The following SYNPR variants were observed in gnomAD, a reference collection of about 807,000 sequenced individuals.
SYNPR encodes the protein synaptoporin.
Under a neutral mutation model 32.9 loss-of-function variants are expected in SYNPR, and 23 were observed. The ratio of observed to expected loss-of-function variants is 0.70; its 90% CI spans 0.50 to 0.99. SYNPR has a LOEUF of 0.99. SYNPR is among the 50% of genes least tolerant of loss of function. The pLI is 0.00. For synonymous variants in SYNPR, 146 were observed against 135.9 expected, an observed-to-expected ratio of 1.07 and a Z score of -0.52; for missense variants, 318 against 349.3, an observed-to-expected ratio of 0.91 and a Z score of 0.71.
chr3:63,597,806 T>C (rs769332996), intron 4 of SYNPR, among the ~76,000 whole-genome samples: 2 of 152,220 alleles, frequency 1.3e-5, no homozygotes, highest in Non-Finnish European at 2.9e-5. Flanking sequence ...GTCATTATTA[T>C]TAACACTTCA....
At chr3:63,280,883 G>A (rs2086625069) in intron 2 of SYNPR, among the ~76,000 whole-genome samples, 2 of 152,154 alleles carry the variant, frequency 1.3e-5, no homozygotes, top group African/African-American at 4.8e-5. Context: ...CTTTTTGCTT[G>A]TACCTCAGTA....
At chr3:63,473,663 T>C (rs1316574841) in intron 2 of SYNPR, among the ~76,000 whole-genome samples, 1 of 152,140 alleles carries the variant, frequency 6.6e-6, no homozygotes, top group Admixed American at 6.5e-5. Context: ...CTAGTTAGTG[T>C]AGTCAAAGAT....
At chr3:63,575,061 C>G (rs1702953486) in intron 4 of SYNPR, among the ~76,000 whole-genome samples, 1 of 151,906 alleles carries the variant, frequency 6.6e-6, no homozygotes. Flanking sequence ...GTCAAACCTA[C>G]CTATATAGCC....
At chr3:63,480,310 C>T (rs1701021051) in intron 2 of SYNPR, among the ~76,000 whole-genome samples, 1 of 152,170 alleles carries the variant, frequency 6.6e-6, no homozygotes, top group African/African-American at 2.4e-5. Flanking sequence ...AAAATAGCAC[C>T]TCTTAGAAAC....
At chr3:63,373,759 C>T (rs533097387) in intron 2 of SYNPR, among the ~76,000 whole-genome samples, 9 of 151,902 alleles carry the variant, frequency 5.9e-5, no homozygotes, top group South Asian at 4.2e-4. Context: ...GAAGACCATC[C>T]CCAAGACACA....
rs141401895 is a variant in SYNPR at position 63,396,977 on chromosome 3, A to G, written c.85-83855A>G. Among the ~76,000 whole-genome samples the G allele has an allele frequency of 7.4e-3, 1,132 of 152,086 alleles. 10 individuals carry two copies. Among genetic ancestry groups the G allele is most frequent in the African/African-American group, 0.026 (1,064 of 41,498 alleles). The stretch of plus-strand genomic sequence containing the variant: ...ATATTAGCCAGGCGTGGTGGCAGGC[A>G]CCTGTAGTCTCAGCCACTCAGGAGG... On this transcript the variant is annotated intron_variant, in intron 2 of 5. Coordinates refer to ENST00000478300, the MANE Select transcript of SYNPR (RefSeq NM_001130003.2).
In SYNPR at chr3:63,278,315, G is replaced by A. The variant is rs1207123825; in HGVS notation, c.-219G>A. The A allele has an allele frequency of 8.5e-6, 5 of 585,010 alleles. No individual in the cohort carries two copies. The highest frequency in any genetic ancestry group is 4.5e-4 in the Middle Eastern group (1 of 2,204). 36.2% of individuals were successfully genotyped at this position (585,010 alleles called of 1,614,324 possible). A position where few individuals can be genotyped will look rare whatever the true frequency, so the allele number is the denominator to read the frequency against. ...CCCAGCTCTTCCCTGCCCACCCCTC[G>A]CTGACTCGCTTCGCTTCCCCGACGC... On this transcript the variant is annotated 5_prime_UTR_variant, in exon 1 of 6. Coordinates refer to ENST00000478300, the MANE Select transcript of SYNPR (RefSeq NM_001130003.2).
chr3:63,206,396 T>C, the SYNPR span, among the ~76,000 whole-genome samples: 1 of 151,918 alleles, frequency 6.6e-6, no homozygotes, highest in Non-Finnish European at 1.5e-5. Context: ...GCAGGTCACT[T>C]GTGGTGAGGA....
At chr3:63,394,764 C>T (rs185580943) in intron 2 of SYNPR, among the ~76,000 whole-genome samples, 34 of 152,196 alleles carry the variant, frequency 2.2e-4, no homozygotes, top group Admixed American at 1.8e-3. Context: ...AGAATTTTAG[C>T]TCTGAGGGAA....
At chr3:63,256,073 A>G (rs1466023929) in intron 2 of SYNPR, among the ~76,000 whole-genome samples, 1 of 152,208 alleles carries the variant, frequency 6.6e-6, no homozygotes, top group Non-Finnish European at 1.5e-5. Context: ...GCAGCCAGGA[A>G]GCTCCAACTG....
At chr3:63,575,790 T>G (rs1271118500) in intron 4 of SYNPR, among the ~76,000 whole-genome samples, 1 of 152,052 alleles carries the variant, frequency 6.6e-6, no homozygotes, top group East Asian at 1.9e-4. Context: ...TGCGAAAGGG[T>G]GAAGTGAATA....
At chr3:63,352,488 C>T (rs114885521) in intron 2 of SYNPR, among the ~76,000 whole-genome samples, 2 of 152,210 alleles carry the variant, frequency 1.3e-5, no homozygotes, top group Non-Finnish European at 2.9e-5. Flanking sequence ...TCTATGTCTA[C>T]AAGCAACAGA....
At position 63,429,819 on chromosome 3, in the gene SYNPR, G is replaced by T. The variant is rs559711556; in HGVS notation, c.85-51013G>T. ...TTCTTTCTGCTCCTTCATTGTTTTT[G>T]TGCTCTCTCTTGTTCCCATGGGGCT... On this transcript the variant is annotated intron_variant, in intron 2 of 5. Transcript: ENST00000478300. Among the ~76,000 whole-genome samples the T allele has an allele frequency of 5.3e-5, 8 of 152,240 alleles. No homozygotes were observed. The South Asian group carries it at 1.5e-3, about 28-fold the overall frequency.
intron 2 of SYNPR, among the ~76,000 whole-genome samples, chr3:63,377,430 G>C (rs2087908697): frequency 6.6e-6 from 1 of 152,014 alleles, no homozygotes; most frequent in Admixed American, 6.6e-5. Context: ...GGTTTAAGCA[G>C]AACTGACAGC....
the SYNPR span, among the ~76,000 whole-genome samples, chr3:63,219,972 T>G: frequency 6.6e-6 from 1 of 152,184 alleles, no homozygotes; most frequent in Non-Finnish European, 1.5e-5. Context: ...GTCAACTGTA[T>G]TTTTTAAAAA....
intron 3 of SYNPR, among the ~76,000 whole-genome samples, chr3:63,497,228 T>G (rs115193473): frequency 6.6e-6 from 1 of 152,176 alleles, no homozygotes; most frequent in African/African-American, 2.4e-5. Context: ...TTTGAAAATT[T>G]GTATATTGAA....
chr3:63,246,801 T>G (rs2086294441), intron 1 of SYNPR, among the ~76,000 whole-genome samples: 1 of 152,100 alleles, frequency 6.6e-6, no homozygotes, highest in South Asian at 2.1e-4. Flanking sequence ...GCTTTGGAAT[T>G]CAAAACTTGG....
At chr3:63,360,132 T>C (rs778780727) in intron 2 of SYNPR, among the ~76,000 whole-genome samples, 1 of 152,176 alleles carries the variant, frequency 6.6e-6, no homozygotes, top group East Asian at 1.9e-4. Flanking sequence ...AAATAAAATA[T>C]GTAATTATCT....
intron 3 of SYNPR, among the ~76,000 whole-genome samples, chr3:63,484,121 T>C (rs970324741): frequency 2.0e-5 from 3 of 152,200 alleles, no homozygotes; most frequent in Non-Finnish European, 4.4e-5. Context: ...CTAATAAATA[T>C]GCCGAAGTGC....
Sources: allele counts gnomAD v4.1 joint callset (sites outside exome capture counted in the v4.1 genomes callset), GRCh38; gene constraint gnomAD v4.1.1; transcripts MANE v1.5; gene names NCBI Gene and HGNC (gene_info 2026-07-23, HGNC 2026-07-21).